The following CDIN1 variants were observed in gnomAD, a reference collection of about 807,000 sequenced individuals.
CDIN1 encodes CDAN1-interacting nuclease 1.
A neutral mutation model predicts 45.3 loss-of-function variants in CDIN1; 33 were observed. The observed-to-expected ratio is 0.73, with a 90% CI of 0.55 to 0.97. The LOEUF (loss-of-function observed/expected upper bound fraction) is 0.97. Among genes scored for constraint, CDIN1 ranks in the 50% least tolerant of loss-of-function variants. The probability of loss-of-function intolerance (pLI) is 0.00; values close to 1 mark genes in which losing one functional copy is unlikely to be tolerated. For synonymous variants in CDIN1, 118 were observed against 124.4 expected, an observed-to-expected ratio of 0.95 and a Z score of 0.34; for missense variants, 303 against 339.4, an observed-to-expected ratio of 0.89 and a Z score of 0.84.
intron 10 of CDIN1, among the ~76,000 whole-genome samples, chr15:36,715,850 G>C (rs1463477002): frequency 1.3e-5 from 2 of 152,140 alleles, no homozygotes; most frequent in Non-Finnish European, 2.9e-5. Flanking sequence ...AGTGTTTTCT[G>C]TGTATAGAGT....
At chr15:36,598,116 A>T (rs2037923026) in intron 1 of CDIN1, among the ~76,000 whole-genome samples, 1 of 152,068 alleles carries the variant, frequency 6.6e-6, no homozygotes, top group Non-Finnish European at 1.5e-5. Flanking sequence ...TCACGCTCCC[A>T]AGTAGTTGGG....
chr15:36,631,264 GATATTTATGTACC>G (rs556707251), intron 1 of CDIN1, among the ~76,000 whole-genome samples: 3 of 152,188 alleles, frequency 2.0e-5, no homozygotes, highest in South Asian at 4.2e-4. Context: ...GCTTTATGGA[GATATTTATGTACC>G]ATAAATTTCA....
chr15:36,805,802 A>C (rs78678638), intron 10 of CDIN1, among the ~76,000 whole-genome samples: 2,463 of 152,284 alleles, frequency 0.016, 63 homozygotes, highest in African/African-American at 0.056. Flanking sequence ...GCACTAAAGT[A>C]GGTGCTGGGA....
intron 10 of CDIN1, among the ~76,000 whole-genome samples, chr15:36,800,300 C>T (rs1376992860): frequency 2.6e-5 from 4 of 152,024 alleles, no homozygotes; most frequent in Non-Finnish European, 4.4e-5. Flanking sequence ...AAATACAGAC[C>T]TGGCAAGGTA....
At chr15:36,728,942 CAGATA>C (rs1468324681) in intron 10 of CDIN1, among the ~76,000 whole-genome samples, 2 of 152,118 alleles carry the variant, frequency 1.3e-5, no homozygotes, top group Non-Finnish European at 2.9e-5. Flanking sequence ...CCAAAGTGCT[CAGATA>C]ACAGGCGTGA....
At chr15:36,604,793 G>T (rs2038284426) in intron 1 of CDIN1, among the ~76,000 whole-genome samples, 1 of 152,084 alleles carries the variant, frequency 6.6e-6, no homozygotes, top group East Asian at 1.9e-4. Context: ...ATAATAAGAG[G>T]CTCTTTGCCT....
In CDIN1 at chr15:36,692,131, T is replaced by C. The variant is rs935317699; in HGVS notation, c.432T>C (p.Ile144=). Residue 144 remains isoleucine (I), a synonymous_variant, in exon 7 of 11, where the codon ATT becomes ATC. Coordinates refer to ENST00000566621, the MANE Select transcript of CDIN1 (RefSeq NM_001321759.2). ...GVLANQVYQC[I]VNDCCYGPLV... ...CTTTTCTTATTTGTCTGCAGTGCAT[T>C]GTGAACGACTGCTGTTACGGACCAC... The C allele has an allele frequency of 7.4e-6, 12 of 1,613,876 alleles. No homozygotes were observed. Among genetic ancestry groups the C allele is most frequent in the African/African-American group, 1.3e-5 (1 of 75,050 alleles).
At chr15:36,597,174 A>G (rs12592712) in intron 1 of CDIN1, among the ~76,000 whole-genome samples, 31,943 of 152,132 alleles carry the variant, frequency 0.21, 3,458 homozygotes, top group South Asian at 0.34. Context: ...TAAGTGCCCT[A>G]TTCGGTGATT....
At chr15:36,654,527 A>AAC (rs1555389943) in intron 4 of CDIN1, among the ~76,000 whole-genome samples, 99 of 151,830 alleles carry the variant, frequency 6.5e-4, no homozygotes, top group African/African-American at 2.2e-3. Context: ...AAAAAAAAAA[A>AAC]AAAAACTGCT....
At chr15:36,703,362 TAGATCTATC>T (rs775662151) in intron 8 of CDIN1, among the ~76,000 whole-genome samples, 3,464 of 86,606 alleles carry the variant, frequency 0.04, 181 homozygotes, top group East Asian at 0.077. Flanking sequence ...ATATATCAGA[TAGATCTATC>T]ATATATATAT....
intron 1 of CDIN1, among the ~76,000 whole-genome samples, chr15:36,631,664 A>C (rs930090940): frequency 6.6e-6 from 1 of 152,144 alleles, no homozygotes; most frequent in Non-Finnish European, 1.5e-5. Context: ...GCTGATGGAC[A>C]TTTGGGTTGT....
chr15:36,594,715 T>C (rs1159588778), intron 1 of CDIN1, among the ~76,000 whole-genome samples: 2 of 152,126 alleles, frequency 1.3e-5, no homozygotes, highest in Non-Finnish European at 2.9e-5. Flanking sequence ...ATCTTGAGGT[T>C]AAGGTTGAGG....
intron 10 of CDIN1, among the ~76,000 whole-genome samples, chr15:36,753,927 AGAG>A (rs78450335): frequency 0.17 from 25,555 of 152,106 alleles, 2,451 homozygotes; most frequent in East Asian, 0.28. Context: ...AATTGGAAGA[AGAG>A]GAGGAGCAGG....
chr15:36,690,138 A>C (rs1326752313), intron 5 of CDIN1, among the ~76,000 whole-genome samples: 1 of 152,240 alleles, frequency 6.6e-6, no homozygotes, highest in Non-Finnish European at 1.5e-5. Context: ...TGCTATAAGC[A>C]TGTAGTTATA....
intron 5 of CDIN1, among the ~76,000 whole-genome samples, chr15:36,674,871 G>A (rs1412719256): frequency 6.6e-6 from 1 of 152,136 alleles, no homozygotes. Context: ...CTTGCTGAAC[G>A]GTAGTGCTGT....
At chr15:36,604,258 A>G (rs2038245548) in intron 1 of CDIN1, among the ~76,000 whole-genome samples, 2 of 134,190 alleles carry the variant, frequency 1.5e-5, no homozygotes, top group South Asian at 5.3e-4. Flanking sequence ...TAATTTATGT[A>G]ATGAAAGCCA....
chr15:36,625,866 G>T (rs565074336), intron 1 of CDIN1, among the ~76,000 whole-genome samples: 60 of 152,046 alleles, frequency 3.9e-4, no homozygotes, highest in Non-Finnish European at 7.4e-4. Flanking sequence ...ACAGAAATTT[G>T]TTCTCTTGTT....
At chr15:36,746,212 G>A (rs138664925) in intron 10 of CDIN1, among the ~76,000 whole-genome samples, 1 of 152,076 alleles carries the variant, frequency 6.6e-6, no homozygotes, top group Non-Finnish European at 1.5e-5. Context: ...CCAATTAGAG[G>A]TGTTTGGTTT....
intron 5 of CDIN1, among the ~76,000 whole-genome samples, chr15:36,684,818 G>C (rs939578444): frequency 7.3e-5 from 11 of 151,114 alleles, no homozygotes; most frequent in Non-Finnish European, 1.5e-4. Flanking sequence ...GAGAGTGTAT[G>C]TGTCGAGGAA....
Sources: allele counts gnomAD v4.1 joint callset (sites outside exome capture counted in the v4.1 genomes callset), GRCh38; gene constraint gnomAD v4.1.1; transcripts MANE v1.5; gene names NCBI Gene and HGNC (gene_info 2026-07-23, HGNC 2026-07-21).